LSAMP: variants seen among roughly 807,000 people sequenced by gnomAD.
LSAMP encodes limbic system-associated membrane protein.
LSAMP carries 7 observed loss-of-function variants against 38.6 expected under a neutral mutation model. That is an observed-to-expected ratio of 0.18 (90% confidence interval 0.10 to 0.34). The LOEUF is 0.34. Among genes scored for constraint, LSAMP ranks in the 10% least tolerant of loss-of-function variants. The pLI is 1.00. For synonymous variants in LSAMP, 154 were observed against 166.8 expected, an observed-to-expected ratio of 0.92 and a Z score of 0.59; for missense variants, 313 against 420.0, an observed-to-expected ratio of 0.75 and a Z score of 2.23.
intron 1 of LSAMP, among the ~76,000 whole-genome samples, chr3:116,284,201 G>A (rs2047165140): frequency 6.6e-6 from 1 of 152,040 alleles, no homozygotes; most frequent in East Asian, 1.9e-4. Flanking sequence ...CCTCCACTAA[G>A]AGATCTATTG....
chr3:115,946,824 C>T (rs74723958), intron 3 of LSAMP, among the ~76,000 whole-genome samples: 23,045 of 151,616 alleles, frequency 0.15, 2,137 homozygotes, highest in Admixed American at 0.22. Context: ...CAAAAATATA[C>T]GAATAAAATA....
chr3:115,853,894 G>C (rs1382295696), intron 3 of LSAMP, among the ~76,000 whole-genome samples: 1 of 152,188 alleles, frequency 6.6e-6, no homozygotes, highest in African/African-American at 2.4e-5. Flanking sequence ...CTGCTCAAAT[G>C]CTATAAGCTG....
At chr3:116,333,434 G>A (rs562205186) in intron 1 of LSAMP, among the ~76,000 whole-genome samples, 210 of 151,598 alleles carry the variant, frequency 1.4e-3, no homozygotes, top group Non-Finnish European at 1.2e-3. Flanking sequence ...AGCTACTCAG[G>A]ATGCTGAGGC....
chr3:116,322,777 TGTC>T lies in LSAMP; in HGVS notation c.155+122097_155+122099del, dbSNP rs1397611577. Among the ~76,000 whole-genome samples the T allele has an allele frequency of 2.0e-5, 3 of 152,116 alleles. No homozygotes were observed. The East Asian group carries it at 5.8e-4, about 29-fold the overall frequency. On this transcript the variant is annotated intron_variant, in intron 1 of 6. Coordinates refer to ENST00000490035, the MANE Select transcript of LSAMP (RefSeq NM_002338.5). ...TTCCATCTTTTAATCTTTATTTCTT[TGTC>T]TTCTTTTTTCTCTCCTTTTCTTCCG...
intron 2 of LSAMP, among the ~76,000 whole-genome samples, chr3:116,050,730 C>T (rs945879053): frequency 6.6e-6 from 1 of 152,176 alleles, no homozygotes. Flanking sequence ...TGCTCTCTTT[C>T]CCCAGGCCAA....
At chr3:115,817,890 A>C (rs1344317045) in intron 6 of LSAMP, among the ~76,000 whole-genome samples, 8 of 152,194 alleles carry the variant, frequency 5.3e-5, no homozygotes, top group Non-Finnish European at 1.5e-5. Context: ...CTGATGTTTT[A>C]AGTTGTGTAT....
intron 2 of LSAMP, among the ~76,000 whole-genome samples, chr3:116,034,762 T>C (rs1045651177): frequency 2.0e-5 from 3 of 152,170 alleles, no homozygotes; most frequent in Non-Finnish European, 4.4e-5. Context: ...TATTTGCCCT[T>C]CCTCTAATGA....
At chr3:115,880,704 T>C (rs1936298779) in intron 3 of LSAMP, among the ~76,000 whole-genome samples, 1 of 152,150 alleles carries the variant, frequency 6.6e-6, no homozygotes, top group Non-Finnish European at 1.5e-5. Context: ...ATGGTTACTT[T>C]GAGGCCTAAA....
intron 1 of LSAMP, among the ~76,000 whole-genome samples, chr3:116,217,798 C>T (rs913928963): frequency 1.1e-4 from 16 of 152,062 alleles, no homozygotes; most frequent in African/African-American, 3.9e-4. Flanking sequence ...ACTTTTGTTC[C>T]CCATCTCTGT....
chr3:116,429,445 T>A (rs532104644), intron 1 of LSAMP, among the ~76,000 whole-genome samples: 97 of 152,332 alleles, frequency 6.4e-4, no homozygotes, highest in Admixed American at 2.0e-3. Context: ...TGGTTTTTTT[T>A]AATTATAAGA....
intron 3 of LSAMP, among the ~76,000 whole-genome samples, chr3:115,953,404 T>TACACAC (rs71616336): frequency 0.047 from 6,691 of 143,620 alleles, 192 homozygotes; most frequent in African/African-American, 0.085. Flanking sequence ...GTAGTGTGCG[T>TACACAC]ACACACACAC....
chr3:116,437,619 G>A (rs1390875674), intron 1 of LSAMP, among the ~76,000 whole-genome samples: 1 of 151,444 alleles, frequency 6.6e-6, no homozygotes, highest in African/African-American at 2.4e-5. Context: ...AGAGGAGAAG[G>A]GAGGAGAGAA....
chr3:115,929,329 T>C (rs932676303), intron 3 of LSAMP, among the ~76,000 whole-genome samples: 17 of 152,138 alleles, frequency 1.1e-4, no homozygotes, highest in Non-Finnish European at 2.2e-4. Context: ...TCTGAAAGGA[T>C]TGGTGAGAAC....
At chr3:116,050,528 AG>A (rs148680512) in intron 2 of LSAMP, among the ~76,000 whole-genome samples, 1 of 150,570 alleles carries the variant, frequency 6.6e-6, no homozygotes, top group African/African-American at 2.4e-5. Flanking sequence ...TGGGGAAATT[AG>A]GGGGAAAAAA....
chr3:116,112,798 G>A (rs1708646299), intron 1 of LSAMP, among the ~76,000 whole-genome samples: 1 of 152,146 alleles, frequency 6.6e-6, no homozygotes, highest in South Asian at 2.1e-4. Context: ...TCTCACAAAT[G>A]CGTTGGCTAC....
intron 2 of LSAMP, among the ~76,000 whole-genome samples, chr3:116,077,854 A>G (rs1280373938): frequency 6.6e-6 from 1 of 152,212 alleles, no homozygotes. Flanking sequence ...ATTAGAGGCC[A>G]GTCTTTCTAT....
intron 1 of LSAMP, among the ~76,000 whole-genome samples, chr3:116,389,006 G>A (rs1413628309): frequency 6.6e-6 from 1 of 152,190 alleles, no homozygotes; most frequent in Non-Finnish European, 1.5e-5. Context: ...AAATCTCCAG[G>A]AGAGCATTGC....
At chr3:116,242,318 T>C (rs554570122) in intron 1 of LSAMP, among the ~76,000 whole-genome samples, 7 of 152,310 alleles carry the variant, frequency 4.6e-5, no homozygotes, top group Non-Finnish European at 1.0e-4. Flanking sequence ...AAAAGAAACA[T>C]TTTTAACAGC....
At chr3:116,367,501 T>A (rs1193868221) in intron 1 of LSAMP, among the ~76,000 whole-genome samples, 1 of 151,324 alleles carries the variant, frequency 6.6e-6, no homozygotes, top group Non-Finnish European at 1.5e-5. Flanking sequence ...CTTCCTTTTT[T>A]TTTTTTTTTT....
Sources: allele counts gnomAD v4.1 joint callset (sites outside exome capture counted in the v4.1 genomes callset), GRCh38; gene constraint gnomAD v4.1.1; transcripts MANE v1.5; gene names NCBI Gene and HGNC (gene_info 2026-07-23, HGNC 2026-07-21).